The following TMEM117 variants were observed in gnomAD, a reference collection of about 807,000 sequenced individuals.
TMEM117 encodes the protein transmembrane protein 117.
TMEM117 carries 27 observed loss-of-function variants against 52.4 expected under a neutral mutation model. The observed-to-expected ratio is 0.51, with a 90% CI of 0.38 to 0.71. TMEM117 has a LOEUF of 0.71. Among genes scored for constraint, TMEM117 ranks in the 30% least tolerant of loss-of-function variants. The pLI is 0.00. For synonymous variants in TMEM117, 215 were observed against 206.3 expected (o/e 1.04, Z -0.36); for missense variants, 556 against 630.5 (o/e 0.88, Z 1.26).
chr12:44,378,777 A>G (rs1451638563), intron 7 of TMEM117, among the ~76,000 whole-genome samples: 1 of 152,256 alleles, frequency 6.6e-6, no homozygotes, highest in East Asian at 1.9e-4. Context: ...TTCATTACTA[A>G]TGTTTTGATC....
intron 3 of TMEM117, among the ~76,000 whole-genome samples, chr12:44,102,937 T>C (rs1419563302): frequency 6.6e-6 from 1 of 152,010 alleles, no homozygotes; most frequent in Non-Finnish European, 1.5e-5. Flanking sequence ...GCTCTGCACT[T>C]TTCCTTGCCA....
At chr12:44,120,557 C>G (rs1481425596) in intron 3 of TMEM117, among the ~76,000 whole-genome samples, 2 of 152,136 alleles carry the variant, frequency 1.3e-5, no homozygotes, top group Non-Finnish European at 2.9e-5. Context: ...CTTTTCAGTT[C>G]AGGAGTTGCT....
At chr12:44,280,089 T>C (rs1950559902) in intron 5 of TMEM117, among the ~76,000 whole-genome samples, 1 of 152,192 alleles carries the variant, frequency 6.6e-6, no homozygotes. Flanking sequence ...TATATACTTT[T>C]TATTTTTATT....
At chr12:44,187,724 C>T (rs538191130) in intron 4 of TMEM117, among the ~76,000 whole-genome samples, 2 of 152,142 alleles carry the variant, frequency 1.3e-5, no homozygotes, top group East Asian at 1.9e-4. Flanking sequence ...CTGAAATAAC[C>T]CTTTTGGCCA....
At chr12:44,305,235 A>G (rs942485102) in intron 6 of TMEM117, among the ~76,000 whole-genome samples, 35 of 138,096 alleles carry the variant, frequency 2.5e-4, no homozygotes, top group African/African-American at 9.4e-4. Flanking sequence ...CCTTCTTGAC[A>G]TTGGCTTTGG....
At chr12:44,052,324 T>C (rs186074344) in intron 3 of TMEM117, among the ~76,000 whole-genome samples, 2 of 152,270 alleles carry the variant, frequency 1.3e-5, no homozygotes, top group Admixed American at 1.3e-4. Context: ...TGGTTACTTT[T>C]AGTGCCCCCA....
At chr12:43,893,504 TTTTC>T (rs1944144646) in intron 2 of TMEM117, among the ~76,000 whole-genome samples, 1 of 149,826 alleles carries the variant, frequency 6.7e-6, no homozygotes, top group East Asian at 1.9e-4. Flanking sequence ...AATTCTGCCT[TTTTC>T]AGTGCATATT....
the TMEM117 span, among the ~76,000 whole-genome samples, chr12:43,827,961 T>C: frequency 6.6e-6 from 1 of 152,142 alleles, no homozygotes; most frequent in Admixed American, 6.5e-5. Flanking sequence ...GTGATGCGTC[T>C]GCAAGTCAAG....
chr12:44,041,904 A>T (rs568341396), intron 3 of TMEM117, among the ~76,000 whole-genome samples: 1 of 152,306 alleles, frequency 6.6e-6, no homozygotes, highest in African/African-American at 2.4e-5. Flanking sequence ...AGGCTTTCAA[A>T]AGCTGGAAGC....
intron 4 of TMEM117, among the ~76,000 whole-genome samples, chr12:44,191,709 G>A (rs746182755): frequency 6.6e-6 from 1 of 152,036 alleles, no homozygotes; most frequent in African/African-American, 2.4e-5. Flanking sequence ...ATCATGTCAC[G>A]AATGCAGGGC....
chr12:43,985,134 C>T (rs1355925592), intron 3 of TMEM117, among the ~76,000 whole-genome samples: 5 of 152,054 alleles, frequency 3.3e-5, no homozygotes, highest in African/African-American at 7.3e-5. Flanking sequence ...AGAGGTCAAA[C>T]GGTTGCTTGA....
At chr12:44,050,104 C>T (rs972192676) in intron 3 of TMEM117, among the ~76,000 whole-genome samples, 2 of 152,170 alleles carry the variant, frequency 1.3e-5, no homozygotes, top group South Asian at 2.1e-4. Context: ...GAGCTCAACA[C>T]GTGAGCAAAG....
intron 4 of TMEM117, among the ~76,000 whole-genome samples, chr12:44,209,222 A>T (rs1025550152): frequency 3.9e-5 from 6 of 152,098 alleles, no homozygotes; most frequent in African/African-American, 1.4e-4. Context: ...AGTATGTGAG[A>T]TTTAAATTTC....
chr12:44,199,701 T>C (rs1198137161), intron 4 of TMEM117, among the ~76,000 whole-genome samples: 1 of 152,190 alleles, frequency 6.6e-6, no homozygotes, highest in Admixed American at 6.5e-5. Context: ...ATGAAAATCC[T>C]ATTTCTGGTG....
intron 3 of TMEM117, among the ~76,000 whole-genome samples, chr12:43,948,454 T>C (rs1160660281): frequency 6.6e-6 from 1 of 151,984 alleles, no homozygotes; most frequent in Non-Finnish European, 1.5e-5. Flanking sequence ...TACAGGTGCC[T>C]GCCACCACAC....
At chr12:44,172,328 A>G (rs1949057691) in intron 4 of TMEM117, among the ~76,000 whole-genome samples, 1 of 152,220 alleles carries the variant, frequency 6.6e-6, no homozygotes, top group South Asian at 2.1e-4. Context: ...CTAAGCCACT[A>G]GAGGAGGATC....
rs145054116 is a variant in TMEM117, at chr12:44,256,836, G to A, written c.609-42744G>A. ...TAAATATGTGCAATTGTTTCTACAG[G>A]TTATTGATTTTACCTGTCTCAGTAT... On this transcript the variant is annotated intron_variant, in intron 5 of 7. Coordinates refer to ENST00000266534, the MANE Select transcript of TMEM117 (RefSeq NM_032256.3). 5.8e-4 allele frequency among the ~76,000 whole-genome samples: 88 copies of A among 151,608 alleles called. 1 individual carries two copies. The highest frequency in any genetic ancestry group is 2.1e-3 in the African/African-American group (86 of 41,346).
At chr12:43,937,828 G>A (rs1208581717) in intron 2 of TMEM117, among the ~76,000 whole-genome samples, 1 of 152,012 alleles carries the variant, frequency 6.6e-6, no homozygotes, top group East Asian at 1.9e-4. Flanking sequence ...AGATCAATCT[G>A]GTCTCTACTG....
rs372068617 is a variant in TMEM117 at position 43,877,634 on chromosome 12, C to CAA, written c.277+32721_277+32722dup. Among the ~76,000 whole-genome samples, 14 of 99,922 alleles carry CAA rather than the reference C, an allele frequency of 1.4e-4. No homozygotes were observed. The South Asian group carries it at 2.9e-3, about 21-fold the overall frequency. 65.6% of individuals were successfully genotyped at this position (99,922 alleles called of 152,430 possible). A position where few individuals can be genotyped will look rare whatever the true frequency, so the allele number is the denominator to read the frequency against. ...CGGGCGACATAGTGCGACTCGGTCTCAAAAAAAAAAAAAAAAGTGTTTTTG... is the reference window on the plus strand; with the variant it reads ...CGGGCGACATAGTGCGACTCGGTCTCAAAAAAAAAAAAAAAAAAGTGTTTTTG... On this transcript the variant is annotated intron_variant, in intron 2 of 7. Transcript: ENST00000266534.
Sources: gnomAD v4.1 joint callset for allele counts (sites outside exome capture counted in the v4.1 genomes callset) on GRCh38, gnomAD v4.1.1 for gene constraint, MANE v1.5 for transcripts, NCBI Gene and HGNC (gene_info 2026-07-23, HGNC 2026-07-21) for gene names.